KDR: variants seen among roughly 807,000 people sequenced by gnomAD.
The protein encoded by KDR is kinase insert domain receptor.
KDR carries 43 observed loss-of-function variants against 160.9 expected under a neutral mutation model. That is an observed-to-expected ratio of 0.27 (90% CI 0.21 to 0.34). KDR has a LOEUF of 0.34. Ranked by LOEUF, KDR falls within the 10% of genes least tolerant of loss-of-function variation. KDR has a pLI of 1.00. For missense variants in KDR, 1,469 were observed against 1,666.4 expected (o/e 0.88, Z 2.06); for synonymous variants, 617 against 600.1 (o/e 1.03, Z -0.41).
chr4:55,079,756 T>C lies in KDR; in HGVS notation c.*185A>G. 1 of 640,928 alleles carries C rather than the reference T, an allele frequency of 1.6e-6. No homozygotes were observed. The highest frequency in any genetic ancestry group is 2.8e-6 in the Non-Finnish European group (1 of 356,894). 39.7% of individuals were successfully genotyped at this position (640,928 alleles called of 1,614,324 possible). A position where few individuals can be genotyped will look rare whatever the true frequency, so the allele number is the denominator to read the frequency against. The stretch of plus-strand genomic sequence containing the variant: ...ACTGGGAGAAGACACAGACACATTC[T>C]TGGGTCACAAGCCTCTTCCAGGATA... On this transcript the variant is annotated 3_prime_UTR_variant, in exon 30 of 30. Coordinates refer to ENST00000263923, the MANE Select transcript of KDR (RefSeq NM_002253.4).
chr4:55,125,324 A>C lies in KDR; in HGVS notation c.-31T>G. ...ACCTCGAGCCGGGCGAAATGCCCAG[A>C]ACTCGGGAGCCGGTTCTTTCTCCCA... is the stretch of plus-strand genomic sequence containing the variant. On this transcript the variant is annotated 5_prime_UTR_variant, in exon 1 of 30. Transcript: ENST00000263923. The C allele has an allele frequency of 8.1e-6, 13 of 1,596,980 alleles. No individual in the cohort carries two copies. The highest frequency in any genetic ancestry group is 1.1e-5 in the Non-Finnish European group (13 of 1,172,500).
At chr4:55,088,638 G>A (rs73816203) in intron 26 of KDR, among the ~76,000 whole-genome samples, 2,309 of 152,304 alleles carry the variant, frequency 0.015, 48 homozygotes, top group African/African-American at 0.054. Flanking sequence ...AAAAAGATAA[G>A]TAGGTAGAAA....
At chr4:55,124,780 C>G (rs1720986889) in intron 1 of KDR, among the ~76,000 whole-genome samples, 1 of 152,194 alleles carries the variant, frequency 6.6e-6, no homozygotes, top group East Asian at 1.9e-4. Context: ...AGTGTACCGT[C>G]CGATCCGGGA....
chr4:55,093,099 A>G (rs1234299168), intron 21 of KDR, among the ~76,000 whole-genome samples: 1 of 152,252 alleles, frequency 6.6e-6, no homozygotes, highest in Admixed American at 6.5e-5. Context: ...ATAAAACAAC[A>G]ATATTCAGGG....
chr4:55,121,214 A>G, intron 1 of KDR, 24 bp from the exon 2 acceptor site: 1 of 1,565,170 alleles, frequency 6.4e-7, no homozygotes, highest in Non-Finnish European at 8.8e-7. Flanking sequence ...AAATAAATGA[A>G]TGTAGTTGCC....
At chr4:55,095,028 A>G in intron 20 of KDR, 73 bp from the exon 21 acceptor site, 1 of 1,412,682 alleles carries the variant, frequency 7.1e-7, no homozygotes. Flanking sequence ...AACCTTTAAA[A>G]TGTAGTAAAC....
At chr4:55,124,731 A>C (rs1260100891) in intron 1 of KDR, among the ~76,000 whole-genome samples, 1 of 152,134 alleles carries the variant, frequency 6.6e-6, no homozygotes, top group East Asian at 1.9e-4. Flanking sequence ...TCGAGCATGA[A>C]GACAACAACG....
intron 27 of KDR, among the ~76,000 whole-genome samples, chr4:55,084,586 A>G (rs1415330794): frequency 6.6e-6 from 1 of 152,116 alleles, no homozygotes; most frequent in East Asian, 1.9e-4. Flanking sequence ...TCTTTTAACT[A>G]TTTCCCCTTT....
chr4:55,104,617 A>C, intron 13 of KDR, 26 bp downstream of exon 13: 1 of 1,589,542 alleles, frequency 6.3e-7, no homozygotes, highest in Non-Finnish European at 8.6e-7. Context: ...CTGCCTCTGC[A>C]CAATGATCCA....
rs1444745513 is a variant in KDR, at chr4:55,082,564, T to G, written c.3734A>C (p.Glu1245Ala). The stretch of plus-strand genomic sequence containing the variant: ...TGGGATTACTTTTACTTCTGGTTCT[T>G]CTAACGGGATATCTTCAAATGTTTT... ...SVKTFEDIPL[E>A]EPEVKVIPDD... Residue 1245 changes from glutamate (E) to alanine (A), a missense_variant, in exon 28 of 30, where the codon GAA becomes GCA. By Grantham distance (107) the Glu-to-Ala change is moderately radical. Coordinates refer to ENST00000263923, the MANE Select transcript of KDR (RefSeq NM_002253.4). The G allele has an allele frequency of 1.9e-6, 3 of 1,613,732 alleles. No homozygotes were observed. In the East Asian group the frequency reaches 6.7e-5, roughly 36 times the overall value.
intron 27 of KDR, among the ~76,000 whole-genome samples, chr4:55,086,728 G>A (rs1162206116): frequency 2.0e-5 from 3 of 152,086 alleles, no homozygotes; most frequent in South Asian, 2.1e-4. Flanking sequence ...AACTGTCCAC[G>A]AGTTTCTCCT....
In KDR at chr4:55,115,519, C is replaced by T. The variant is rs1720714013; in HGVS notation, c.359-108G>A. The T allele has an allele frequency of 4.4e-6, 3 of 682,548 alleles. No individual in the cohort carries two copies. In the African/African-American group the frequency reaches 5.3e-5, roughly 12 times the overall value. The allele number at this position is 682,548 out of a possible 1,614,324, so 42.3% of individuals were successfully genotyped here. A position where few individuals can be genotyped will look rare whatever the true frequency, so the allele number is the denominator to read the frequency against. On this transcript the variant is annotated intron_variant, in intron 3 of 29. Transcript: ENST00000263923. The stretch of plus-strand genomic sequence containing the variant: ...CAGACAAGTGAATGACTGGAAGGGA[C>T]ACCTCACACAACCAAAGGCATCCAC...
intron 9 of KDR, among the ~76,000 whole-genome samples, chr4:55,109,152 G>A (rs1267939779): frequency 1.3e-5 from 2 of 151,684 alleles, no homozygotes; most frequent in African/African-American, 4.8e-5. Flanking sequence ...GTGCGATCTC[G>A]GCTATCTGCA....
chr4:55,112,092 A>T (rs1341579858), intron 7 of KDR, among the ~76,000 whole-genome samples: 1 of 152,228 alleles, frequency 6.6e-6, no homozygotes, highest in Non-Finnish European at 1.5e-5. Flanking sequence ...AAGAGAATAA[A>T]CAAAAAATTA....
chr4:55,089,133 C>T (rs1719943090), intron 25 of KDR, among the ~76,000 whole-genome samples, 160 bp from the exon 26 acceptor site: 1 of 152,134 alleles, frequency 6.6e-6, no homozygotes, highest in African/African-American at 2.4e-5. Flanking sequence ...TCCAGAGGCT[C>T]AATGTGTATA....
intron 29 of KDR, 112 bp from the exon 30 acceptor site, chr4:55,080,275 G>A (rs1578124121): frequency 1.2e-6 from 1 of 864,328 alleles, no homozygotes; most frequent in East Asian, 2.6e-5. Context: ...GGAGACCGCA[G>A]CCCCGTATCT....
chr4:55,123,466 A>G (rs923617859), intron 1 of KDR, among the ~76,000 whole-genome samples: 1 of 152,254 alleles, frequency 6.6e-6, no homozygotes, highest in South Asian at 2.1e-4. Flanking sequence ...CAAATATTTT[A>G]AAAAAGAAAA....
At chr4:55,111,397 A>T (rs906756382) in intron 7 of KDR, among the ~76,000 whole-genome samples, 10 of 152,138 alleles carry the variant, frequency 6.6e-5, no homozygotes, top group Non-Finnish European at 1.2e-4. Flanking sequence ...TCAGTTGCTC[A>T]TGCTAACGCT....
At chr4:55,085,652 G>A (rs974697838) in intron 27 of KDR, among the ~76,000 whole-genome samples, 1 of 152,216 alleles carries the variant, frequency 6.6e-6, no homozygotes, top group African/African-American at 2.4e-5. Context: ...AAAAAAGGTG[G>A]AGGAGGTGGA....
Sources: gnomAD v4.1 joint callset for allele counts (sites outside exome capture counted in the v4.1 genomes callset) on GRCh38, gnomAD v4.1.1 for gene constraint, MANE v1.5 for transcripts, NCBI Gene and HGNC (gene_info 2026-07-23, HGNC 2026-07-21) for gene names.